CNTN5: variants seen among roughly 807,000 people sequenced by gnomAD.
The protein encoded by CNTN5 is contactin 5, also known as contactin-5.
A neutral mutation model predicts 129.1 loss-of-function variants in CNTN5; 77 were observed. The ratio of observed to expected loss-of-function variants is 0.60; its 90% CI spans 0.50 to 0.72. The LOEUF (loss-of-function observed/expected upper bound fraction) is 0.72, where lower values mean the gene tolerates loss of function less well. Ranked by LOEUF, CNTN5 falls within the 30% of genes least tolerant of loss-of-function variation. The probability of loss-of-function intolerance (pLI) is 0.00; values close to 1 mark genes in which losing one functional copy is unlikely to be tolerated. For missense variants in CNTN5, 1,478 were observed against 1,328.8 expected (o/e 1.11, Z -1.75); for synonymous variants, 509 against 465.6 (o/e 1.09, Z -1.20).
chr11:99,569,534 G>A lies in CNTN5; in HGVS notation c.55+13265G>A, dbSNP rs949996639. Among the ~76,000 whole-genome samples, 17 of 152,098 alleles carry A rather than the reference G, an allele frequency of 1.1e-4. No individual in the cohort carries two copies. The East Asian group carries it at 1.4e-3, about 12-fold the overall frequency. On this transcript the variant is annotated intron_variant, in intron 3 of 24. Coordinates refer to ENST00000524871, the MANE Select transcript of CNTN5 (RefSeq NM_014361.4). Reference sequence around the variant, plus strand: ...TCATCATGTTGGCCAGGCTGGTCTCGAACTCCTGACCTTGTGGTCCGCCTG... The same window carrying A: ...TCATCATGTTGGCCAGGCTGGTCTCAAACTCCTGACCTTGTGGTCCGCCTG...
intron 2 of CNTN5, among the ~76,000 whole-genome samples, chr11:99,343,967 A>G (rs1866638107): frequency 1.3e-5 from 2 of 152,354 alleles, no homozygotes; most frequent in South Asian, 4.1e-4. Context: ...ACATTTGAAA[A>G]TGATAAACCT....
chr11:99,114,337 A>G lies in CNTN5; in HGVS notation c.-210+93067A>G, dbSNP rs371389007. Among the ~76,000 whole-genome samples, 112 of 152,208 alleles carry G rather than the reference A, an allele frequency of 7.4e-4. 1 individual carries two copies. The highest frequency in any genetic ancestry group is 2.6e-3 in the African/African-American group (107 of 41,526). Reference sequence around the variant, plus strand: ...ATAATAGTGGAGAAACTCTCGTAGTAAGAAATTGTTAAATCATGAACCTGA... The same window carrying G: ...ATAATAGTGGAGAAACTCTCGTAGTGAGAAATTGTTAAATCATGAACCTGA... On this transcript the variant is annotated intron_variant, in intron 1 of 24. Coordinates refer to ENST00000524871, the MANE Select transcript of CNTN5 (RefSeq NM_014361.4).
chr11:100,220,444 C>T (rs866573543), intron 15 of CNTN5, among the ~76,000 whole-genome samples: 11 of 151,986 alleles, frequency 7.2e-5, no homozygotes, highest in Admixed American at 5.2e-4. Flanking sequence ...ACTAAAAATG[C>T]TTAATACATA....
At chr11:99,285,938 T>G (rs1863918623) in intron 1 of CNTN5, among the ~76,000 whole-genome samples, 1 of 148,646 alleles carries the variant, frequency 6.7e-6, no homozygotes, top group African/African-American at 2.5e-5. Flanking sequence ...TTTGAGAGGC[T>G]GAGACAGGAG....
intron 13 of CNTN5, among the ~76,000 whole-genome samples, chr11:100,103,065 T>G (rs1945284357): frequency 6.6e-6 from 1 of 152,216 alleles, no homozygotes; most frequent in Non-Finnish European, 1.5e-5. Flanking sequence ...TCTGATTAAA[T>G]GAATTAGAAC....
At chr11:100,352,537 A>G (rs1192040566) in intron 24 of CNTN5, among the ~76,000 whole-genome samples, 1 of 151,750 alleles carries the variant, frequency 6.6e-6, no homozygotes, top group African/African-American at 2.4e-5. Context: ...AACTGTCAAC[A>G]TTTAAGGAAT....
chr11:99,175,089 C>G (rs1470397904), intron 1 of CNTN5, among the ~76,000 whole-genome samples: 3 of 151,866 alleles, frequency 2.0e-5, no homozygotes, highest in African/African-American at 7.3e-5. Context: ...AAAAAAGAAG[C>G]CAGGTATGGT....
At chr11:100,144,735 ATT>A (rs35851910) in intron 13 of CNTN5, among the ~76,000 whole-genome samples, 3 of 148,774 alleles carry the variant, frequency 2.0e-5, no homozygotes, top group African/African-American at 7.3e-5. Context: ...GGAGTGAGGA[ATT>A]TTTTTTTTTT....
At chr11:100,014,971 T>C (rs546732365) in intron 9 of CNTN5, among the ~76,000 whole-genome samples, 3 of 152,096 alleles carry the variant, frequency 2.0e-5, no homozygotes, top group Non-Finnish European at 2.9e-5. Context: ...CATTTAGGCG[T>C]TTTCCAAAGG....
chr11:100,035,112 C>A (rs562066999), intron 9 of CNTN5, among the ~76,000 whole-genome samples: 1 of 152,198 alleles, frequency 6.6e-6, no homozygotes, highest in South Asian at 2.1e-4. Flanking sequence ...CTAATGCTAT[C>A]CCTCCCCACT....
chr11:100,014,549 C>A (rs1336570599), intron 9 of CNTN5, among the ~76,000 whole-genome samples: 2 of 151,830 alleles, frequency 1.3e-5, no homozygotes, highest in Non-Finnish European at 2.9e-5. Flanking sequence ...CCACTGCACT[C>A]CAGCCTGTCT....
At chr11:100,169,489 C>T (rs1254019468) in intron 13 of CNTN5, among the ~76,000 whole-genome samples, 8 of 151,954 alleles carry the variant, frequency 5.3e-5, no homozygotes, top group African/African-American at 1.2e-4. Flanking sequence ...CAGCCATCTA[C>T]GGTGAAGACC....
intron 1 of CNTN5, among the ~76,000 whole-genome samples, chr11:99,092,470 A>C (rs1225774524): frequency 6.6e-6 from 1 of 152,084 alleles, no homozygotes; most frequent in Non-Finnish European, 1.5e-5. Flanking sequence ...TTTGCATTAA[A>C]AATTGTCAAA....
At chr11:100,342,789 C>A (rs1016302779) in intron 23 of CNTN5, among the ~76,000 whole-genome samples, 3 of 152,092 alleles carry the variant, frequency 2.0e-5, no homozygotes, top group Admixed American at 6.6e-5. Flanking sequence ...TGTGTATTAT[C>A]AAATATGTAT....
intron 18 of CNTN5, among the ~76,000 whole-genome samples, chr11:100,281,357 A>G (rs1950634070): frequency 6.6e-6 from 1 of 152,170 alleles, no homozygotes. Context: ...TTCACCAGAT[A>G]TAATACTCTA....
At chr11:99,923,307 AG>A in intron 7 of CNTN5, among the ~76,000 whole-genome samples, 1 of 152,312 alleles carries the variant, frequency 6.6e-6, no homozygotes, top group Non-Finnish European at 1.5e-5. Flanking sequence ...AAGCACACCT[AG>A]CCCAAATGAG....
At chr11:100,098,451 A>G (rs1212708834) in intron 13 of CNTN5, among the ~76,000 whole-genome samples, 1 of 152,012 alleles carries the variant, frequency 6.6e-6, no homozygotes, top group Non-Finnish European at 1.5e-5. Context: ...CTTATTTCCA[A>G]CAGGTTTTTG....
At chr11:100,295,913 G>T (rs1401550709) in intron 18 of CNTN5, among the ~76,000 whole-genome samples, 2 of 151,456 alleles carry the variant, frequency 1.3e-5, no homozygotes, top group Non-Finnish European at 3.0e-5. Flanking sequence ...AGGAGTGTAT[G>T]TGTGTATGTA....
chr11:99,598,349 T>C (rs1189335946), intron 3 of CNTN5, among the ~76,000 whole-genome samples: 5 of 40,182 alleles, frequency 1.2e-4, no homozygotes, highest in South Asian at 1.7e-3. Flanking sequence ...TCTCTCTCTC[T>C]CTCTCTCTCT....
Sources: gnomAD v4.1 joint callset for allele counts (sites outside exome capture counted in the v4.1 genomes callset) on GRCh38, gnomAD v4.1.1 for gene constraint, MANE v1.5 for transcripts, NCBI Gene and HGNC (gene_info 2026-07-23, HGNC 2026-07-21) for gene names.